The following OPCML variants were observed in gnomAD, a reference collection of about 807,000 sequenced individuals.
OPCML encodes opioid binding protein/cell adhesion molecule like.
OPCML carries 13 observed loss-of-function variants against 37.8 expected under a neutral mutation model. The observed-to-expected ratio is 0.34, with a 90% CI of 0.22 to 0.55. OPCML has a LOEUF of 0.55. Among genes scored for constraint, OPCML ranks in the 20% least tolerant of loss-of-function variants. The probability of loss-of-function intolerance (pLI) is 0.91; values close to 1 mark genes in which losing one functional copy is unlikely to be tolerated. For missense variants in OPCML, 341 were observed against 435.6 expected (o/e 0.78, Z 1.93); for synonymous variants, 176 against 168.8 (o/e 1.04, Z -0.33).
chr11:132,908,382 T>C (rs1944315555), intron 2 of OPCML, among the ~76,000 whole-genome samples: 1 of 152,230 alleles, frequency 6.6e-6, no homozygotes, highest in Non-Finnish European at 1.5e-5. Context: ...CTACAATTAA[T>C]TAGCTGTTTA....
At chr11:133,341,075 G>C (rs906013205) in intron 1 of OPCML, among the ~76,000 whole-genome samples, 3 of 152,020 alleles carry the variant, frequency 2.0e-5, no homozygotes, top group Admixed American at 6.6e-5. Flanking sequence ...TCATAGCTCT[G>C]TCCTCATGCA....
chr11:133,451,051 G>C (rs1437302651), intron 1 of OPCML, among the ~76,000 whole-genome samples: 29 of 151,596 alleles, frequency 1.9e-4, no homozygotes, highest in Non-Finnish European at 2.9e-5. Context: ...TTTATATTGA[G>C]TGTTTATTTT....
At chr11:132,833,009 A>G (rs1193122617) in intron 2 of OPCML, among the ~76,000 whole-genome samples, 1 of 152,214 alleles carries the variant, frequency 6.6e-6, no homozygotes, top group Non-Finnish European at 1.5e-5. Context: ...TAAGTCAGTC[A>G]GTGAGTGGTG....
chr11:133,247,518 T>C (rs1940967625), intron 1 of OPCML, among the ~76,000 whole-genome samples: 1 of 149,944 alleles, frequency 6.7e-6, no homozygotes, highest in South Asian at 2.1e-4. Flanking sequence ...AAGTTTTCTT[T>C]TTTCTTTCTT....
At chr11:132,944,003 TGG>T (rs1945677692) in intron 1 of OPCML, among the ~76,000 whole-genome samples, 4 of 151,748 alleles carry the variant, frequency 2.6e-5, no homozygotes, top group Admixed American at 2.6e-4. Flanking sequence ...GCGAGCGGGC[TGG>T]CGGGCGGCGC....
At chr11:132,504,996 C>T (rs1166496634) in intron 4 of OPCML, among the ~76,000 whole-genome samples, 1 of 152,092 alleles carries the variant, frequency 6.6e-6, no homozygotes. Flanking sequence ...TATTCAAATT[C>T]TTCAACCATT....
In OPCML at chr11:132,681,498, G is replaced by A. The variant is rs186605143; in HGVS notation, c.147-24179C>T. Among the ~76,000 whole-genome samples the A allele has an allele frequency of 3.1e-3, 472 of 152,196 alleles. 4 individuals are homozygous for A. The highest frequency in any genetic ancestry group is 0.011 in the African/African-American group (450 of 41,530). On this transcript the variant is annotated intron_variant, in intron 2 of 7. Coordinates refer to ENST00000524381, the MANE Select transcript of OPCML (RefSeq NM_001012393.5). ...CCAGTCAGGAACAACTGGACTCTGGGGGAAGATGACCTTCCTGCTCCATCT... is the reference window on the plus strand; with the variant it reads ...CCAGTCAGGAACAACTGGACTCTGGAGGAAGATGACCTTCCTGCTCCATCT...
chr11:133,251,384 G>C (rs1941129019), intron 1 of OPCML, among the ~76,000 whole-genome samples: 1 of 151,984 alleles, frequency 6.6e-6, no homozygotes, highest in Admixed American at 6.5e-5. Context: ...AATCGTGTAG[G>C]GCATAGAACT....
intron 1 of OPCML, among the ~76,000 whole-genome samples, chr11:133,162,171 A>T (rs1950151961): frequency 6.6e-6 from 1 of 151,968 alleles, no homozygotes; most frequent in Non-Finnish European, 1.5e-5. Flanking sequence ...GTGCATGCAA[A>T]TTGTCTACAC....
intron 2 of OPCML, among the ~76,000 whole-genome samples, chr11:132,878,892 G>A (rs1173095013): frequency 6.6e-6 from 1 of 152,154 alleles, no homozygotes; most frequent in Non-Finnish European, 1.5e-5. Flanking sequence ...TAGAATTCAA[G>A]GATCTGAGCG....
chr11:132,876,508 A>G (rs544812892), intron 2 of OPCML, among the ~76,000 whole-genome samples: 1 of 152,328 alleles, frequency 6.6e-6, no homozygotes, highest in South Asian at 2.1e-4. Context: ...ATCTGGAAAT[A>G]GTCAGTGGAC....
intron 1 of OPCML, among the ~76,000 whole-genome samples, chr11:133,273,852 A>C (rs1941918921): frequency 6.6e-6 from 1 of 152,194 alleles, no homozygotes; most frequent in Admixed American, 6.5e-5. Flanking sequence ...GAAAAATCTC[A>C]CGAGTGTGAG....
At chr11:132,834,521 C>A (rs986312790) in intron 2 of OPCML, among the ~76,000 whole-genome samples, 6 of 152,180 alleles carry the variant, frequency 3.9e-5, no homozygotes, top group Admixed American at 1.3e-4. Context: ...TCCCTCCTTG[C>A]CTCTTCTAGC....
chr11:133,172,251 A>G (rs1950297638), intron 1 of OPCML, among the ~76,000 whole-genome samples: 1 of 152,206 alleles, frequency 6.6e-6, no homozygotes, highest in Non-Finnish European at 1.5e-5. Flanking sequence ...ACTGAATTAT[A>G]GAGATCATGG....
chr11:133,245,003 G>A (rs934991696), intron 1 of OPCML, among the ~76,000 whole-genome samples: 3 of 152,238 alleles, frequency 2.0e-5, no homozygotes, highest in African/African-American at 7.2e-5. Context: ...CTGTGCTGTG[G>A]AGGCAGTCCA....
chr11:132,602,469 T>G (rs747879064), intron 3 of OPCML, among the ~76,000 whole-genome samples: 11 of 152,148 alleles, frequency 7.2e-5, no homozygotes, highest in Non-Finnish European at 1.5e-4. Flanking sequence ...CCAGCCTAGA[T>G]TTTACAGTTA....
chr11:133,509,793 C>T (rs1948113954), intron 1 of OPCML, among the ~76,000 whole-genome samples: 1 of 152,182 alleles, frequency 6.6e-6, no homozygotes, highest in African/African-American at 2.4e-5. Flanking sequence ...CTCATTTACT[C>T]TATGAGTACT....
rs1947743669 is a variant in OPCML, at chr11:133,494,726, CGG to C, written c.61+37536_61+37537del. On this transcript the variant is annotated intron_variant, in intron 1 of 7. Transcript: ENST00000524381. Reference sequence around the variant, plus strand: ...TCACACTCTGGGGACTGTTGTGGGGCGGGGGGACGGGGGAGGGATAGCATTGG... The same window carrying C: ...TCACACTCTGGGGACTGTTGTGGGGCGGGGACGGGGGAGGGATAGCATTGG... Among the ~76,000 whole-genome samples the C allele has an allele frequency of 5.0e-5, 3 of 59,576 alleles. 1 individual carries two copies. The highest frequency in any genetic ancestry group is 1.6e-4 in the African/African-American group (2 of 12,484). 39.1% of individuals were successfully genotyped at this position (59,576 alleles called of 152,430 possible).
chr11:132,605,590 T>C (rs147724424), intron 3 of OPCML, among the ~76,000 whole-genome samples: 43 of 151,292 alleles, frequency 2.8e-4, no homozygotes, highest in Non-Finnish European at 5.4e-4. Context: ...TAAAAATAAA[T>C]AAAAAGGACA....
Sources: allele counts gnomAD v4.1 joint callset (sites outside exome capture counted in the v4.1 genomes callset), GRCh38; gene constraint gnomAD v4.1.1; transcripts MANE v1.5; gene names NCBI Gene and HGNC (gene_info 2026-07-23, HGNC 2026-07-21).